The following PPP2R2A variants were observed in gnomAD, a reference collection of about 807,000 sequenced individuals.
PPP2R2A encodes protein phosphatase 2 regulatory subunit Balpha, also known as serine/threonine-protein phosphatase 2A 55 kDa regulatory subunit B alpha isoform.
In PPP2R2A, 9 loss-of-function variants were observed where a neutral mutation model predicts 53.2. The ratio of observed to expected loss-of-function variants is 0.17; its 90% CI spans 0.10 to 0.30. The LOEUF is 0.30. PPP2R2A is among the 10% of genes least tolerant of loss of function. The pLI, the probability that PPP2R2A is intolerant of heterozygous loss-of-function variation, is 1.00. For synonymous variants in PPP2R2A, 169 were observed against 174.2 expected (o/e 0.97, Z 0.23); for missense variants, 235 against 534.6 (o/e 0.44, Z 5.53).
At chr8:26,353,748 C>G (rs1376171686) in intron 3 of PPP2R2A, among the ~76,000 whole-genome samples, 3 of 152,074 alleles carry the variant, frequency 2.0e-5, no homozygotes, top group African/African-American at 4.8e-5. Context: ...CAAAGTGATA[C>G]TAAATGAAAT....
At chr8:26,336,680 T>C (rs1263294974) in intron 2 of PPP2R2A, among the ~76,000 whole-genome samples, 1 of 151,910 alleles carries the variant, frequency 6.6e-6, no homozygotes. Context: ...AGCTCGAGAC[T>C]ACCTTGAGCA....
rs780179279 is a variant in PPP2R2A, at chr8:26,338,021, A to G, written c.83-869A>G. 6.6e-6 allele frequency among the ~76,000 whole-genome samples: 1 copy of G among 152,032 alleles called. No homozygotes were observed. Among genetic ancestry groups the G allele is most frequent in the Admixed American group, 6.6e-5 (1 of 15,246 alleles). ...ACAGTGAGCTTCTGTAGACCAGAGG[A>G]TGTCTGTTCTTTTATAAAGCTGATT... On this transcript the variant is annotated intron_variant, in intron 2 of 9. Transcript: ENST00000380737. The surrounding 1 kb of genome is among the most constrained non-coding windows in gnomAD (Gnocchi z 4.5).
intron 1 of PPP2R2A, chr8:26,293,173 T>C: frequency 1.4e-6 from 2 of 1,429,860 alleles, no homozygotes; most frequent in Non-Finnish European, 1.9e-6. Context: ...TGCAAAGAAA[T>C]GGGTGTAGTG....
At chr8:26,358,376 G>C (rs115620879) in intron 4 of PPP2R2A, among the ~76,000 whole-genome samples, 1 of 152,048 alleles carries the variant, frequency 6.6e-6, no homozygotes, top group Non-Finnish European at 1.5e-5. Flanking sequence ...ATTTAGGCTA[G>C]GCTCATATCT....
intron 2 of PPP2R2A, chr8:26,298,506 A>T (rs1294816375): frequency 6.6e-6 from 1 of 152,214 alleles, no homozygotes; most frequent in Non-Finnish European, 1.5e-5. Flanking sequence ...ATGTTACATC[A>T]CACACTATGA....
At chr8:26,307,730 TG>T (rs1317105894) in intron 2 of PPP2R2A, among the ~76,000 whole-genome samples, 1 of 152,248 alleles carries the variant, frequency 6.6e-6, no homozygotes, top group African/African-American at 2.4e-5. Flanking sequence ...GAGACTGAGC[TG>T]TCTATAAGTG....
At chr8:26,309,209 C>T (rs372065338) in intron 2 of PPP2R2A, among the ~76,000 whole-genome samples, 8 of 152,266 alleles carry the variant, frequency 5.3e-5, no homozygotes, top group Admixed American at 2.0e-4. Context: ...CAGAATCACG[C>T]CTTGATCCAT....
At position 26,360,860 on chromosome 8, in the gene PPP2R2A, A is replaced by G. The variant is rs979557798; in HGVS notation, c.460-114A>G. The stretch of plus-strand genomic sequence containing the variant: ...TGCTTTTTAAAACTAAATCTATGTA[A>G]TATTGTTCTATTTTATGTTCTCAAA... On this transcript the variant is annotated intron_variant, in intron 5 of 9. Coordinates refer to ENST00000380737, the MANE Select transcript of PPP2R2A (RefSeq NM_002717.4). The surrounding 1 kb of genome is among the most constrained non-coding windows in gnomAD (Gnocchi z 4.5). 1.0e-5 allele frequency: 10 copies of G among 1,002,116 alleles called. No individual in the cohort carries two copies. The East Asian group carries it at 2.5e-4, about 25-fold the overall frequency. 62.1% of individuals were successfully genotyped at this position (1,002,116 alleles called of 1,614,324 possible).
At chr8:26,326,422 C>T (rs374955110) in intron 2 of PPP2R2A, among the ~76,000 whole-genome samples, 2 of 152,100 alleles carry the variant, frequency 1.3e-5, no homozygotes, top group Admixed American at 6.5e-5. Context: ...TTAAAGACTC[C>T]GCCATTTTCT....
At chr8:26,296,498 G>A (rs1411408680) in intron 2 of PPP2R2A, among the ~76,000 whole-genome samples, 2 of 152,110 alleles carry the variant, frequency 1.3e-5, no homozygotes, top group East Asian at 1.9e-4. Flanking sequence ...CTCAAGTCAC[G>A]CCTTTAACCT....
intron 2 of PPP2R2A, among the ~76,000 whole-genome samples, chr8:26,320,271 G>C (rs938168974): frequency 6.6e-6 from 1 of 152,140 alleles, no homozygotes; most frequent in Non-Finnish European, 1.5e-5. Context: ...CAGAATCCTG[G>C]TTATTTGGCA....
chr8:26,355,488 C>G (rs890915949), intron 4 of PPP2R2A, among the ~76,000 whole-genome samples: 6 of 152,144 alleles, frequency 3.9e-5, no homozygotes, highest in Admixed American at 3.9e-4. Context: ...AAGCAGTCTG[C>G]CCCGCTCAGT....
chr8:26,298,403 C>A (rs1009806656), intron 2 of PPP2R2A, among the ~76,000 whole-genome samples: 2 of 152,096 alleles, frequency 1.3e-5, no homozygotes, highest in Admixed American at 6.5e-5. Context: ...TATATCTTGT[C>A]AATTTTAGTA....
chr8:26,322,839 G>A (rs1802909180), intron 2 of PPP2R2A, among the ~76,000 whole-genome samples: 2 of 152,126 alleles, frequency 1.3e-5, no homozygotes. Context: ...TCCTTTTGAC[G>A]ATAAATAAAG....
At chr8:26,329,612 A>G (rs991679838) in intron 2 of PPP2R2A, among the ~76,000 whole-genome samples, 3 of 152,202 alleles carry the variant, frequency 2.0e-5, no homozygotes, top group African/African-American at 7.2e-5. Context: ...GCTATTTGGC[A>G]GTTAGCAGGA....
chr8:26,304,310 T>C (rs1801919097), intron 2 of PPP2R2A, among the ~76,000 whole-genome samples: 1 of 151,952 alleles, frequency 6.6e-6, no homozygotes, highest in African/African-American at 2.4e-5. Context: ...AAAAACTGTC[T>C]CTCATGGGTA....
At chr8:26,316,001 A>T (rs566114149) in intron 2 of PPP2R2A, among the ~76,000 whole-genome samples, 4 of 152,246 alleles carry the variant, frequency 2.6e-5, no homozygotes, top group Admixed American at 2.0e-4. Context: ...CTAAATTCTG[A>T]TATTGTGTAC....
chr8:26,293,641 T>C (rs759378294), intron 1 of PPP2R2A, 25 bp from the exon 2 acceptor site: 6 of 1,605,182 alleles, frequency 3.7e-6, no homozygotes, highest in Non-Finnish European at 3.4e-6. Context: ...AACTCGGTTT[T>C]AATTGGTATG....
intron 4 of PPP2R2A, among the ~76,000 whole-genome samples, chr8:26,357,128 A>C (rs1444746645): frequency 1.3e-5 from 2 of 152,194 alleles, no homozygotes; most frequent in Non-Finnish European, 2.9e-5. Context: ...TAGATGGGAA[A>C]AGGATGGGAG....
Sources: allele counts gnomAD v4.1 joint callset (sites outside exome capture counted in the v4.1 genomes callset), GRCh38; gene constraint gnomAD v4.1.1; non-coding constraint Gnocchi (gnomAD v3.1); transcripts MANE v1.5; gene names NCBI Gene and HGNC (gene_info 2026-07-23, HGNC 2026-07-21).